Variants in KLRG1 observed in about 807,000 individuals in gnomAD.
The protein encoded by KLRG1 is killer cell lectin like receptor G1.
KLRG1 carries 16 observed loss-of-function variants against 21.8 expected under a neutral mutation model. The observed-to-expected ratio is 0.73, with a 90% CI of 0.50 to 1.11. KLRG1 has a LOEUF of 1.11. Ranked by LOEUF, KLRG1 falls within the 50% of genes most tolerant of loss-of-function variation. KLRG1 has a pLI of 0.00. For synonymous variants in KLRG1, 69 were observed against 75.9 expected, an observed-to-expected ratio of 0.91 and a Z score of 0.47; for missense variants, 173 against 218.3, an observed-to-expected ratio of 0.79 and a Z score of 1.31.
chr12:9,129,373 C>T, the KLRG1 span, among the ~76,000 whole-genome samples: 8 of 151,826 alleles, frequency 5.3e-5, no homozygotes, highest in South Asian at 1.7e-3. Context: ...AAGAAAGTAC[C>T]TTGTAATTTT....
chr12:9,120,852 C>CGTGT, the KLRG1 span, among the ~76,000 whole-genome samples: 741 of 143,472 alleles, frequency 5.2e-3, 4 homozygotes, highest in Non-Finnish European at 7.7e-3. Context: ...ATCCCACTAA[C>CGTGT]GTGTGTGTGT....
At chr12:9,090,617 T>A in the KLRG1 span, 1 of 858,044 alleles carries the variant, frequency 1.2e-6, no homozygotes, top group Non-Finnish European at 1.8e-6. Flanking sequence ...GAAGATCAAG[T>A]ACCTGAAATA....
the KLRG1 span, chr12:9,106,696 G>T: frequency 5.0e-6 from 3 of 602,486 alleles, no homozygotes; most frequent in Non-Finnish European, 8.7e-6. Context: ...TTTGTGGGGG[G>T]ACAACATCAT....
At chr12:9,125,795 C>T in the KLRG1 span, among the ~76,000 whole-genome samples, 4 of 152,166 alleles carry the variant, frequency 2.6e-5, no homozygotes, top group Non-Finnish European at 5.9e-5. Flanking sequence ...AGTGCAGTGG[C>T]ACAATCTTGG....
chr12:9,167,759 A>G, the KLRG1 span, among the ~76,000 whole-genome samples: 3 of 152,128 alleles, frequency 2.0e-5, no homozygotes, highest in Non-Finnish European at 4.4e-5. Context: ...GTGTTATTAT[A>G]TGCCGTCAAT....
chr12:9,095,161 T>C, the KLRG1 span: 9 of 737,318 alleles, frequency 1.2e-5, no homozygotes, highest in African/African-American at 1.8e-5. Context: ...TTTTATTGAA[T>C]TTGACAAGCA....
chr12:9,161,047 G>C, the KLRG1 span: 1 of 1,593,080 alleles, frequency 6.3e-7, no homozygotes, highest in Non-Finnish European at 8.6e-7. Flanking sequence ...AACTGAGAAA[G>C]AAGCTCTGGC....
the KLRG1 span, chr12:9,080,068 G>C: frequency 6.8e-7 from 1 of 1,472,546 alleles, no homozygotes; most frequent in South Asian, 1.3e-5. Flanking sequence ...GTTAATGCCC[G>C]GATCCACTAG....
At chr12:9,191,482 T>C in the KLRG1 span, among the ~76,000 whole-genome samples, 2 of 151,932 alleles carry the variant, frequency 1.3e-5, no homozygotes, top group African/African-American at 4.8e-5. Flanking sequence ...TTTTCAAAAC[T>C]GAAAAATAAA....
At chr12:9,051,881 A>G in the KLRG1 span, among the ~76,000 whole-genome samples, 1 of 152,222 alleles carries the variant, frequency 6.6e-6, no homozygotes. Context: ...TTTCATTGCA[A>G]TTAGACAAAA....
At chr12:9,193,968 A>T in the KLRG1 span, 1 of 1,085,246 alleles carries the variant, frequency 9.2e-7, no homozygotes, top group Non-Finnish European at 1.3e-6. Context: ...ACTCAAAGTT[A>T]GATATCTTCT....
At chr12:9,198,397 T>C in the KLRG1 span, among the ~76,000 whole-genome samples, 1 of 152,188 alleles carries the variant, frequency 6.6e-6, no homozygotes, top group African/African-American at 2.4e-5. Flanking sequence ...CATTCTTCTT[T>C]ATTTTGTTTT....
chr12:9,158,413 A>C, the KLRG1 span: 1 of 1,613,906 alleles, frequency 6.2e-7, no homozygotes, highest in Non-Finnish European at 8.5e-7. Flanking sequence ...TTTGTGGAAC[A>C]GTTCACCTTT....
the KLRG1 span, chr12:9,159,843 TTC>T: frequency 9.2e-7 from 1 of 1,087,084 alleles, no homozygotes; most frequent in Admixed American, 2.2e-5. Flanking sequence ...GTTTCAGGTA[TTC>T]TGTTATAAGC....
intron 2 of KLRG1, among the ~76,000 whole-genome samples, chr12:8,993,223 G>A (rs1257071192): frequency 6.6e-6 from 1 of 151,598 alleles, no homozygotes. Flanking sequence ...TCCTAGCTTA[G>A]GTTTATATTT....
intron 1 of KLRG1, among the ~76,000 whole-genome samples, chr12:8,973,242 G>C (rs1409477317): frequency 6.6e-6 from 1 of 151,894 alleles, no homozygotes; most frequent in Non-Finnish European, 1.5e-5. Flanking sequence ...GATCACTTTG[G>C]GTGGGCTGTG....
At chr12:9,054,676 C>G in the KLRG1 span, among the ~76,000 whole-genome samples, 1 of 152,006 alleles carries the variant, frequency 6.6e-6, no homozygotes, top group Admixed American at 6.5e-5. Context: ...GATCTTATTC[C>G]TTGGTTATAT....
the KLRG1 span, chr12:9,127,998 A>G: frequency 3.5e-6 from 1 of 286,054 alleles, no homozygotes; most frequent in Non-Finnish European, 7.0e-6. Context: ...CTTCCGAACC[A>G]AGTCTGAGAT....
At chr12:9,120,852 C>CGTGTGT in the KLRG1 span, among the ~76,000 whole-genome samples, 2,028 of 143,428 alleles carry the variant, frequency 0.014, 31 homozygotes, top group African/African-American at 0.03. Context: ...ATCCCACTAA[C>CGTGTGT]GTGTGTGTGT....
Sources: gnomAD v4.1 joint callset for allele counts (sites outside exome capture counted in the v4.1 genomes callset) on GRCh38, gnomAD v4.1.1 for gene constraint, MANE v1.5 for transcripts, NCBI Gene and HGNC (gene_info 2026-07-23, HGNC 2026-07-21) for gene names.